The following LNX1 variants were observed in gnomAD, a reference collection of about 807,000 sequenced individuals.
The protein encoded by LNX1 is ligand of numb-protein X 1, also known as E3 ubiquitin-protein ligase LNX.
Under a neutral mutation model 68.4 loss-of-function variants are expected in LNX1, and 54 were observed. That is an observed-to-expected ratio of 0.79 (90% CI 0.63 to 0.99). LNX1 has a LOEUF of 0.99. Among genes scored for constraint, LNX1 ranks in the 50% least tolerant of loss-of-function variants. The pLI is 0.00. For synonymous variants in LNX1, 336 were observed against 350.0 expected (o/e 0.96, Z 0.45); for missense variants, 906 against 926.4 (o/e 0.98, Z 0.29).
intron 2 of LNX1, among the ~76,000 whole-genome samples, chr4:53,533,978 G>A (rs1219665360): frequency 6.6e-6 from 1 of 152,230 alleles, no homozygotes; most frequent in African/African-American, 2.4e-5. Flanking sequence ...CAAGGTGCCA[G>A]GGCAGTGAGG....
upstream of LNX1, among the ~76,000 whole-genome samples, chr4:53,618,111 G>A (rs1035316460): frequency 7.2e-5 from 11 of 152,128 alleles, no homozygotes; most frequent in African/African-American, 2.7e-4. Flanking sequence ...CTGATAGACA[G>A]TCTTACACCA....
At chr4:53,509,631 A>G (rs1365143824) in intron 2 of LNX1, among the ~76,000 whole-genome samples, 2 of 152,220 alleles carry the variant, frequency 1.3e-5, no homozygotes, top group African/African-American at 4.8e-5. Context: ...CTTTTTGCCA[A>G]AAGTACTAGA....
At chr4:53,546,143 G>T (rs956836670) in intron 2 of LNX1, among the ~76,000 whole-genome samples, 57 of 152,180 alleles carry the variant, frequency 3.7e-4, no homozygotes, top group Non-Finnish European at 7.6e-4. Context: ...GCTAAAGCTT[G>T]TTAATGTTTC....
chr4:53,646,673 T>C (rs1734891528), intron 1 of LNX1, among the ~76,000 whole-genome samples: 1 of 152,230 alleles, frequency 6.6e-6, no homozygotes, highest in Non-Finnish European at 1.5e-5. Context: ...GTAGCTAATA[T>C]AAAAAATTAA....
upstream of LNX1, among the ~76,000 whole-genome samples, chr4:53,592,144 T>G (rs1208171815): frequency 6.6e-6 from 1 of 151,920 alleles, no homozygotes; most frequent in East Asian, 1.9e-4. Flanking sequence ...CTTCAGTCAT[T>G]CCTATCTCGG....
chr4:53,623,249 G>A (rs1733951141), intron 1 of LNX1, among the ~76,000 whole-genome samples: 1 of 150,066 alleles, frequency 6.7e-6, no homozygotes, highest in South Asian at 2.1e-4. Context: ...TGTCGCCCAG[G>A]CTGGAGTACA....
At chr4:53,552,828 CAAAAA>C (rs11375920) in intron 2 of LNX1, among the ~76,000 whole-genome samples, 1 of 109,628 alleles carries the variant, frequency 9.1e-6, no homozygotes. Context: ...GACTCCATCT[CAAAAA>C]AAAAAAAAAA....
At chr4:53,623,502 G>T (rs1301854346) in intron 1 of LNX1, among the ~76,000 whole-genome samples, 2 of 151,952 alleles carry the variant, frequency 1.3e-5, no homozygotes, top group African/African-American at 4.8e-5. Flanking sequence ...TCAAAGTGTT[G>T]GGATTACAGG....
chr4:53,566,634 A>G (rs1380407064), intron 2 of LNX1, among the ~76,000 whole-genome samples: 2 of 152,096 alleles, frequency 1.3e-5, no homozygotes, highest in Non-Finnish European at 2.9e-5. Flanking sequence ...ACAGGATCAA[A>G]TTCACACATA....
chr4:53,546,082 C>T (rs180910917), intron 2 of LNX1, among the ~76,000 whole-genome samples: 3 of 152,110 alleles, frequency 2.0e-5, no homozygotes, highest in South Asian at 2.1e-4. Context: ...ACTGAGATTA[C>T]AGGCATGAGC....
At chr4:53,468,718 C>T (rs1722897051) in intron 9 of LNX1, among the ~76,000 whole-genome samples, 1 of 152,030 alleles carries the variant, frequency 6.6e-6, no homozygotes, top group Non-Finnish European at 1.5e-5. Context: ...GACTTTAAAC[C>T]AACAAAGATC....
intron 2 of LNX1, among the ~76,000 whole-genome samples, chr4:53,614,064 T>G (rs1733596137): frequency 6.6e-6 from 1 of 152,220 alleles, no homozygotes; most frequent in African/African-American, 2.4e-5. Context: ...TCTCTAATGA[T>G]CAGTGATGAT....
chr4:53,553,947 T>C (rs1295897658), intron 2 of LNX1, among the ~76,000 whole-genome samples: 1 of 152,116 alleles, frequency 6.6e-6, no homozygotes, highest in Non-Finnish European at 1.5e-5. Flanking sequence ...CTGCATGTGG[T>C]TCGGAGTTCC....
intron 1 of LNX1, among the ~76,000 whole-genome samples, chr4:53,623,717 A>G (rs1254436189): frequency 6.6e-6 from 1 of 152,012 alleles, no homozygotes; most frequent in Non-Finnish European, 1.5e-5. Flanking sequence ...ATAACTATCA[A>G]GAGATTTATA....
At chr4:53,488,051 GAA>G (rs995196489) in intron 6 of LNX1, among the ~76,000 whole-genome samples, 3 of 152,182 alleles carry the variant, frequency 2.0e-5, no homozygotes, top group African/African-American at 7.2e-5. Context: ...CATAAAATTA[GAA>G]AGTCACAGAC....
At position 53,607,946 on chromosome 4, in the gene LNX1, C is replaced by T. The variant is rs539730952; in HGVS notation, c.-215+8571G>A. Reference sequence around the variant, plus strand: ...AGATTGAAACAGTACCCATTTCTTACACCATATACAAAAATCAGCTCAAGA... The same window carrying T: ...AGATTGAAACAGTACCCATTTCTTATACCATATACAAAAATCAGCTCAAGA... On this transcript the variant is annotated intron_variant, in intron 2 of 3. Transcript: ENST00000504299. 9.8e-5 allele frequency among the ~76,000 whole-genome samples: 15 copies of T among 152,292 alleles called. No homozygotes were observed. In the East Asian group the frequency reaches 2.3e-3, roughly 23 times the overall value.
intron 1 of LNX1, among the ~76,000 whole-genome samples, chr4:53,582,098 G>GTAGGGAGAGTAT (rs1731872297): frequency 6.6e-6 from 1 of 152,018 alleles, no homozygotes; most frequent in African/African-American, 2.4e-5. Flanking sequence ...AGAAACCTAA[G>GTAGGGAGAGTAT]AATATCAAAA....
chr4:53,571,608 T>G (rs1056301225), intron 2 of LNX1, among the ~76,000 whole-genome samples: 2 of 150,912 alleles, frequency 1.3e-5, no homozygotes, highest in Non-Finnish European at 3.0e-5. Flanking sequence ...CACCTCAATG[T>G]TAGTCCACCG....
chr4:53,553,178 C>T (rs1729635682), intron 2 of LNX1, among the ~76,000 whole-genome samples: 1 of 152,168 alleles, frequency 6.6e-6, no homozygotes, highest in African/African-American at 2.4e-5. Context: ...GTTCCTGATG[C>T]ATATAGCACT....
Sources: allele counts gnomAD v4.1 joint callset (sites outside exome capture counted in the v4.1 genomes callset), GRCh38; gene constraint gnomAD v4.1.1; transcripts MANE v1.5; gene names NCBI Gene and HGNC (gene_info 2026-07-23, HGNC 2026-07-21).